Variants in SGIP1 observed in about 807,000 individuals in gnomAD.
The protein encoded by SGIP1 is SH3GL interacting endocytic adaptor 1, also known as SH3-containing GRB2-like protein 3-interacting protein 1.
A neutral mutation model predicts 107.5 loss-of-function variants in SGIP1; 38 were observed. That is an observed-to-expected ratio of 0.35 (90% confidence interval 0.27 to 0.46). SGIP1 has a LOEUF of 0.46. Among genes scored for constraint, SGIP1 ranks in the 20% least tolerant of loss-of-function variants. The probability of loss-of-function intolerance (pLI) is 1.00; values close to 1 mark genes in which losing one functional copy is unlikely to be tolerated. For missense variants in SGIP1, 929 were observed against 1,019.5 expected, an observed-to-expected ratio of 0.91 and a Z score of 1.21; for synonymous variants, 365 against 366.1, an observed-to-expected ratio of 1.00 and a Z score of 0.03.
chr1:66,682,204 G>A lies in SGIP1; in HGVS notation c.1150G>A (p.Ala384Thr), dbSNP rs766925272. Residue 384 changes from alanine to threonine, a missense_variant, in exon 15 of 25, where the codon GCT (alanine) becomes ACT (threonine). Physicochemically the swap from Ala to Thr is moderately conservative, Grantham distance 58. Transcript: ENST00000371037. ...LNLEEVQKKV[A>T]EQTFIKDDYL... ...TTTAGAAGAAGTCCAGAAGAAAGTC[G>A]CTGAGCAGACCTTCATTAAAGATGA... is the stretch of plus-strand genomic sequence containing the variant. 8.1e-6 allele frequency: 13 copies of A among 1,614,098 alleles called. No individual in the cohort carries two copies. The East Asian group carries it at 1.8e-4, about 22-fold the overall frequency.
intron 1 of SGIP1, among the ~76,000 whole-genome samples, chr1:66,576,566 TTTC>T (rs1333629600): frequency 2.0e-5 from 3 of 152,354 alleles, no homozygotes; most frequent in Admixed American, 6.5e-5. Context: ...GATAGCCATT[TTTC>T]TTATTACCTC....
intron 1 of SGIP1, among the ~76,000 whole-genome samples, chr1:66,583,707 T>C (rs541138603): frequency 9.9e-5 from 15 of 152,138 alleles, no homozygotes; most frequent in Non-Finnish European, 2.1e-4. Flanking sequence ...GTAGTGTCCT[T>C]CTTCTGCATA....
chr1:66,689,047 C>CAAAAAA, intron 15 of SGIP1, 101 bp from the exon 16 acceptor site: 2 of 1,214,980 alleles, frequency 1.6e-6, no homozygotes, highest in Non-Finnish European at 2.2e-6. Flanking sequence ...ACTGCCAAGG[C>CAAAAAA]AAAAAAAAAA....
At chr1:66,717,497 A>G (rs1222413856) in intron 18 of SGIP1, among the ~76,000 whole-genome samples, 1 of 152,188 alleles carries the variant, frequency 6.6e-6, no homozygotes, top group African/African-American at 2.4e-5. Context: ...GTCTCATTAC[A>G]GAAGCTAATG....
intron 1 of SGIP1, among the ~76,000 whole-genome samples, chr1:66,550,207 G>A (rs1241918862): frequency 3.3e-5 from 5 of 152,156 alleles, no homozygotes; most frequent in African/African-American, 1.2e-4. Context: ...ACCAAAGGCT[G>A]TGAAATTATG....
chr1:66,594,963 G>A (rs1033621211), intron 1 of SGIP1, among the ~76,000 whole-genome samples: 2 of 152,134 alleles, frequency 1.3e-5, no homozygotes, highest in Non-Finnish European at 2.9e-5. Flanking sequence ...AGAATGAGAT[G>A]TTTCCTGGAT....
chr1:66,653,220 T>G (rs1008249741), intron 7 of SGIP1, among the ~76,000 whole-genome samples: 2 of 152,226 alleles, frequency 1.3e-5, no homozygotes, highest in Non-Finnish European at 2.9e-5. Context: ...TATATTTTTT[T>G]CTTCTCAACA....
chr1:66,681,580 C>T (rs1193714315), intron 14 of SGIP1, among the ~76,000 whole-genome samples: 1 of 152,168 alleles, frequency 6.6e-6, no homozygotes, highest in East Asian at 1.9e-4. Flanking sequence ...GAGCAGCCTT[C>T]GAGAGCAGTA....
intron 1 of SGIP1, among the ~76,000 whole-genome samples, chr1:66,541,746 C>T (rs6691033): frequency 0.74 from 111,847 of 152,118 alleles, 42,033 homozygotes; most frequent in East Asian, 1. Flanking sequence ...GAGGAAAATA[C>T]TGAGCTCATT....
chr1:66,613,331 T>TGC (rs1369115520), intron 1 of SGIP1, among the ~76,000 whole-genome samples: 1 of 151,932 alleles, frequency 6.6e-6, no homozygotes, highest in East Asian at 1.9e-4. Flanking sequence ...AGTTTTTTTG[T>TGC]GTTTTGTTTT....
At position 66,623,439 on chromosome 1, in the gene SGIP1, C is replaced by T. The variant is rs563597808; in HGVS notation, c.11-2408C>T. 1.6e-4 allele frequency among the ~76,000 whole-genome samples: 25 copies of T among 152,110 alleles called. No individual in the cohort carries two copies. In the East Asian group the frequency reaches 2.9e-3, roughly 18 times the overall value. On this transcript the variant is annotated intron_variant, in intron 1 of 24. Coordinates refer to ENST00000371037, the MANE Select transcript of SGIP1 (RefSeq NM_032291.4). ...AATTCTTTTGTATTTTTAGTAGAGA[C>T]GGGGTTTCACCATGTTGGCCAGGCT...
intron 18 of SGIP1, among the ~76,000 whole-genome samples, chr1:66,705,721 G>T (rs570395002): frequency 6.6e-6 from 1 of 152,194 alleles, no homozygotes; most frequent in South Asian, 2.1e-4. Context: ...ATTTGTAACT[G>T]CAAGGAACCA....
intron 1 of SGIP1, among the ~76,000 whole-genome samples, chr1:66,619,077 T>C (rs553419775): frequency 2.0e-5 from 3 of 152,110 alleles, no homozygotes; most frequent in Non-Finnish European, 4.4e-5. Context: ...TAAAGAGCGG[T>C]CATTGCCAAC....
At chr1:66,674,752 G>A (rs2084782610) in intron 12 of SGIP1, among the ~76,000 whole-genome samples, 1 of 152,180 alleles carries the variant, frequency 6.6e-6, no homozygotes, top group Non-Finnish European at 1.5e-5. Context: ...AGGAAGTGGG[G>A]TGAGGACCAC....
intron 19 of SGIP1, among the ~76,000 whole-genome samples, chr1:66,725,195 G>C (rs1043741711): frequency 2.0e-5 from 3 of 152,168 alleles, no homozygotes; most frequent in Non-Finnish European, 4.4e-5. Context: ...TTTAACACCT[G>C]AGTGAGGGAG....
chr1:66,667,853 G>T (rs1221644960), intron 9 of SGIP1, among the ~76,000 whole-genome samples: 1 of 151,982 alleles, frequency 6.6e-6, no homozygotes, highest in East Asian at 1.9e-4. Flanking sequence ...AAGGCCTAGA[G>T]ATTCACCAGA....
At chr1:66,683,963 T>A (rs1390348387) in intron 15 of SGIP1, 4 of 1,249,080 alleles carry the variant, frequency 3.2e-6, no homozygotes, top group African/African-American at 3.0e-5. Context: ...GTGACCCACC[T>A]GCCTCAGCCT....
At chr1:66,718,758 CTA>C (rs1162256186) in intron 18 of SGIP1, among the ~76,000 whole-genome samples, 2 of 151,840 alleles carry the variant, frequency 1.3e-5, no homozygotes, top group Non-Finnish European at 2.9e-5. Flanking sequence ...GTTTGGTTGT[CTA>C]TGTTTTTGGA....
intron 20 of SGIP1, among the ~76,000 whole-genome samples, chr1:66,730,795 A>G (rs1200947571): frequency 1.3e-5 from 2 of 152,042 alleles, no homozygotes; most frequent in African/African-American, 4.8e-5. Flanking sequence ...AGACCTGCCA[A>G]TCTCAGAAAC....
Sources: allele counts gnomAD v4.1 joint callset (sites outside exome capture counted in the v4.1 genomes callset), GRCh38; gene constraint gnomAD v4.1.1; transcripts MANE v1.5; gene names NCBI Gene and HGNC (gene_info 2026-07-23, HGNC 2026-07-21).